ARRDC3: variants seen among roughly 807,000 people sequenced by gnomAD.
ARRDC3 encodes arrestin domain-containing protein 3.
A neutral mutation model predicts 47.2 loss-of-function variants in ARRDC3; 10 were observed. The ratio of observed to expected loss-of-function variants is 0.21; its 90% CI spans 0.13 to 0.36. The LOEUF is 0.36. Among genes scored for constraint, ARRDC3 ranks in the 10% least tolerant of loss-of-function variants. The pLI is 1.00. For missense variants in ARRDC3, 381 were observed against 503.6 expected (o/e 0.76, Z 2.33); for synonymous variants, 156 against 178.3 (o/e 0.87, Z 1.00).
rs879389468 is a variant in ARRDC3, at chr5:91,371,144, T to C, written c.*256A>G. The C allele has an allele frequency of 4.6e-5, 20 of 437,632 alleles. No individual in the cohort carries two copies. Among genetic ancestry groups the C allele is most frequent in the African/African-American group, 1.0e-4 (5 of 49,888 alleles). The allele number at this position is 437,632 out of a possible 1,614,324, so 27.1% of individuals were successfully genotyped here. Reference sequence around the variant, plus strand: ...CGTGATGTCTTGACACGTACGACCATAGGCTAAGAAGACTGCTCTGAGTAT... The same window carrying C: ...CGTGATGTCTTGACACGTACGACCACAGGCTAAGAAGACTGCTCTGAGTAT... On this transcript the variant is annotated 3_prime_UTR_variant, in exon 8 of 8. Transcript: ENST00000265138.
intron 1 of ARRDC3, among the ~76,000 whole-genome samples, chr5:91,379,046 G>A (rs1032993696): frequency 3.2e-4 from 48 of 151,970 alleles, no homozygotes; most frequent in African/African-American, 1.1e-3. Context: ...GACCCAAACT[G>A]CAAAGCATCT....
chr5:91,372,715 G>T (rs1166892400), intron 7 of ARRDC3, among the ~76,000 whole-genome samples: 1 of 151,956 alleles, frequency 6.6e-6, no homozygotes, highest in Non-Finnish European at 1.5e-5. Flanking sequence ...TCCAGTTATG[G>T]TGTTAATAAA....
chr5:91,373,881 T>C lies in ARRDC3; in HGVS notation c.1034-43A>G, dbSNP rs765001670. On this transcript the variant is annotated intron_variant, in intron 6 of 7. Coordinates refer to ENST00000265138, the MANE Select transcript of ARRDC3 (RefSeq NM_020801.4). ...ACGCAATTCGAACAGCATGTTCTTA[T>C]GCATGTCAAAATACACAGAATAGTA... The C allele has an allele frequency of 1.1e-5, 17 of 1,610,488 alleles. No homozygotes were observed. In the South Asian group the frequency reaches 1.8e-4, roughly 17 times the overall value.
At chr5:91,377,510 T>C (rs1799332351) in intron 2 of ARRDC3, among the ~76,000 whole-genome samples, 1 of 152,006 alleles carries the variant, frequency 6.6e-6, no homozygotes, top group Admixed American at 6.5e-5. Context: ...AAATACTCAA[T>C]GTTCAGTTAT....
chr5:91,372,977 C>T (rs1169609353), intron 7 of ARRDC3, among the ~76,000 whole-genome samples: 2 of 152,198 alleles, frequency 1.3e-5, no homozygotes, highest in South Asian at 2.1e-4. Context: ...CACTGTTCTT[C>T]CTGCCTTTTG....
At position 91,371,407 on chromosome 5, in the gene ARRDC3, GAGGGGC is replaced by G. The variant is rs751087373; in HGVS notation, c.1232_1237del (p.Cys411_Pro412del). 91 of 1,613,146 alleles carry G rather than the reference GAGGGGC, an allele frequency of 5.6e-5. No individual in the cohort carries two copies. Among genetic ancestry groups the G allele is most frequent in the Non-Finnish European group, 7.6e-5 (90 of 1,179,424 alleles). On this transcript the variant is annotated inframe_deletion, in exon 8 of 8. Coordinates refer to ENST00000265138, the MANE Select transcript of ARRDC3 (RefSeq NM_020801.4). ...ATTCAACCAAGTGTTCCTTCAACGA[GAGGGGC>G]AGGATGGTCTATCATCTGCTGACTG...
At chr5:91,379,044 C>T (rs1799374622) in intron 1 of ARRDC3, among the ~76,000 whole-genome samples, 1 of 152,020 alleles carries the variant, frequency 6.6e-6, no homozygotes, top group South Asian at 2.1e-4. Context: ...ATGACCCAAA[C>T]TGCAAAGCAT....
chr5:91,372,027 G>A (rs552288189), intron 7 of ARRDC3, among the ~76,000 whole-genome samples: 3 of 152,144 alleles, frequency 2.0e-5, no homozygotes, highest in African/African-American at 4.8e-5. Context: ...GGCCAAAAAC[G>A]CAGTGTATCA....
chr5:91,377,629 A>C (rs560173861), intron 2 of ARRDC3, among the ~76,000 whole-genome samples: 3 of 151,986 alleles, frequency 2.0e-5, no homozygotes, highest in Non-Finnish European at 2.9e-5. Context: ...AGAGAAATAA[A>C]ATCTTAAACT....
chr5:91,376,806 C>A (rs1300722098), intron 2 of ARRDC3, 38 bp from the exon 3 acceptor site: 3 of 1,557,148 alleles, frequency 1.9e-6, no homozygotes, highest in South Asian at 2.4e-5. Context: ...TAATTTTATA[C>A]CTCTTTCTAA....
Position 91,370,735 on chromosome 5 carries a change from TAG to T in ARRDC3, c.*663_*664del, listed in dbSNP as rs1346583329. The stretch of plus-strand genomic sequence containing the variant: ...ATTATCTGTTGCGTATCTACTACAG[TAG>T]GCTGCAAAACATACAGCAAAAAGGA... On this transcript the variant is annotated 3_prime_UTR_variant, in exon 8 of 8. Transcript: ENST00000265138. 3.9e-5 allele frequency: 6 copies of T among 152,630 alleles called. No individual in the cohort carries two copies. The highest frequency in any genetic ancestry group is 1.4e-4 in the African/African-American group (6 of 41,538). The allele number at this position is 152,630 out of a possible 1,614,324, so 9.5% of individuals were successfully genotyped here.
chr5:91,373,613 A>G (rs1240918593), intron 7 of ARRDC3, 71 bp downstream of exon 7: 10 of 1,380,218 alleles, frequency 7.2e-6, no homozygotes, highest in Non-Finnish European at 7.9e-6. Context: ...TAACATTAAG[A>G]AAAAAAAATG....
chr5:91,373,887 T>C (rs370233775), intron 6 of ARRDC3, 49 bp from the exon 7 acceptor site: 200 of 1,608,880 alleles, frequency 1.2e-4, no homozygotes, highest in Non-Finnish European at 1.7e-4. Flanking sequence ...CTTATGCATG[T>C]CAAAATACAC....
intron 5 of ARRDC3, 34 bp from the exon 6 acceptor site, chr5:91,374,310 G>T: frequency 6.4e-7 from 1 of 1,563,312 alleles, no homozygotes; most frequent in Non-Finnish European, 8.7e-7. Flanking sequence ...AGTTTAGAAT[G>T]CCAAGTATGA....
At position 91,378,757 on chromosome 5, in the gene ARRDC3, T is replaced by C. The variant is rs1799366260; in HGVS notation, c.299A>G (p.Glu100Gly). Residue 100 changes from glutamate to glycine, a missense_variant, in exon 2 of 8, where the codon GAA becomes GGA. Physicochemically the swap from Glu to Gly is moderately conservative, Grantham distance 98 (BLOSUM62 -2). Coordinates refer to ENST00000265138, the MANE Select transcript of ARRDC3 (RefSeq NM_020801.4). ...TCCTGAATGAATAGTGTGGAAGCCT[T>C]CTTCGGAATTATCATCATCTAAAAC... ...GHERDDDNSE[E>G]GFHTIHSGRH... 1.3e-6 allele frequency: 2 copies of C among 1,593,928 alleles called. No homozygotes were observed. The highest frequency in any genetic ancestry group is 4.5e-5 in the East Asian group (2 of 44,436).
At chr5:91,378,592 T>G (rs993208348) in intron 2 of ARRDC3, 102 bp downstream of exon 2, 4 of 684,632 alleles carry the variant, frequency 5.8e-6, no homozygotes, top group Non-Finnish European at 9.3e-6. Context: ...ATGAAAAGGG[T>G]TTTTTTTTCA....
Position 91,382,867 on chromosome 5 carries a change from T to C in ARRDC3, c.226A>G (p.Thr76Ala). The change falls in exon 1 of 8, where the codon ACT becomes GCT. Residue 76 changes from threonine (T) to alanine (A), a missense_variant. Coordinates refer to ENST00000265138, the MANE Select transcript of ARRDC3 (RefSeq NM_020801.4). ...TGGTTGAAATACTCTACTTCTTCAG[T>C]GTAATTCTGTGTATAGGCAGTATTG... ...GSNTAYTQNYTEEVEYFNHKD... is the reference protein window; with the variant it reads ...GSNTAYTQNYAEEVEYFNHKD... 4.3e-6 allele frequency: 7 copies of C among 1,614,146 alleles called. No homozygotes were observed. Among genetic ancestry groups the C allele is most frequent in the Non-Finnish European group, 5.9e-6 (7 of 1,180,000 alleles).
At chr5:91,374,340 T>A in intron 5 of ARRDC3, 64 bp from the exon 6 acceptor site, 1 of 1,420,208 alleles carries the variant, frequency 7.0e-7, no homozygotes, top group Non-Finnish European at 9.7e-7. Context: ...CAAAAACTCA[T>A]AACCAATTTT....
In ARRDC3 at chr5:91,378,591, GT is replaced by G. The variant is rs536147145; in HGVS notation, c.362+102del. 937 of 685,654 alleles carry G rather than the reference GT, an allele frequency of 1.4e-3. 6 individuals are homozygous for G. In the African/African-American group the frequency reaches 0.014, roughly 10 times the overall value. 42.5% of individuals were successfully genotyped at this position (685,654 alleles called of 1,614,324 possible). ...CTAGCAAGTTTCAGTAATGAAAAGG[GT>G]TTTTTTTTCAACTAAAAATGTTTAA... On this transcript the variant is annotated intron_variant, in intron 2 of 7. Coordinates refer to ENST00000265138, the MANE Select transcript of ARRDC3 (RefSeq NM_020801.4).
Sources: gnomAD v4.1 joint callset for allele counts (sites outside exome capture counted in the v4.1 genomes callset) on GRCh38, gnomAD v4.1.1 for gene constraint, MANE v1.5 for transcripts, NCBI Gene and HGNC (gene_info 2026-07-23, HGNC 2026-07-21) for gene names.